The following FOXP1 variants were observed in gnomAD, a reference collection of about 807,000 sequenced individuals.
The protein encoded by FOXP1 is forkhead box P1.
Under a neutral mutation model 98.2 loss-of-function variants are expected in FOXP1, and 15 were observed. That is an observed-to-expected ratio of 0.15 (90% CI 0.10 to 0.24). The LOEUF (loss-of-function observed/expected upper bound fraction) is 0.24, where lower values mean the gene tolerates loss of function less well. Ranked by LOEUF, FOXP1 falls within the 10% of genes least tolerant of loss-of-function variation. The pLI, the probability that FOXP1 is intolerant of heterozygous loss-of-function variation, is 1.00. For synonymous variants in FOXP1, 371 were observed against 314.5 expected (o/e 1.18, Z -1.90); for missense variants, 633 against 848.5 (o/e 0.75, Z 3.15).
chr3:71,257,302 C>T lies in FOXP1; in HGVS notation c.-12+42518G>A, dbSNP rs142633209. 1.6e-3 allele frequency among the ~76,000 whole-genome samples: 243 copies of T among 152,250 alleles called. 3 individuals are homozygous for T. The highest frequency in any genetic ancestry group is 5.7e-3 in the African/African-American group (235 of 41,550). On this transcript the variant is annotated intron_variant, in intron 5 of 20. Transcript: ENST00000649528. ...TTAAAAAACGCAGAATGGGACCAGG[C>T]ATGGTGGCTCACGCCTGTAATCCCA... is the stretch of plus-strand genomic sequence containing the variant.
At chr3:71,578,408 G>T (rs557554032) in intron 2 of FOXP1, among the ~76,000 whole-genome samples, 18 of 152,212 alleles carry the variant, frequency 1.2e-4, no homozygotes, top group African/African-American at 4.3e-4. Context: ...ATTTTTAAAG[G>T]ACAAAATTCT....
Position 71,462,643 on chromosome 3 carries a change from A to G in FOXP1, c.-168+30783T>C, listed in dbSNP as rs2088256458. Among the ~76,000 whole-genome samples, 3 of 152,202 alleles carry G rather than the reference A, an allele frequency of 2.0e-5. No individual in the cohort carries two copies. In the South Asian group the frequency reaches 6.2e-4, roughly 32 times the overall value. ...CTCCGTAGAATTTAAAAATCAGTGA[A>G]GATGTGAGAGGGAAATCATTGCATC... On this transcript the variant is annotated intron_variant, in intron 3 of 20. Coordinates refer to ENST00000649528, the MANE Select transcript of FOXP1 (RefSeq NM_001349338.3).
intron 6 of FOXP1, among the ~76,000 whole-genome samples, chr3:71,132,787 G>T (rs1383820439): frequency 1.3e-5 from 2 of 152,072 alleles, no homozygotes; most frequent in East Asian, 3.8e-4. Context: ...GTGCAAACGA[G>T]TCCTGGGTAA....
At chr3:71,099,370 G>A (rs1028231059) in intron 7 of FOXP1, among the ~76,000 whole-genome samples, 1 of 152,200 alleles carries the variant, frequency 6.6e-6, no homozygotes, top group Admixed American at 6.5e-5. Context: ...AAATTGGCTG[G>A]GCGTGGTGGT....
At chr3:71,198,423 G>A (rs1553776575) in intron 5 of FOXP1, 31 bp from the exon 6 acceptor site, 1 of 510,828 alleles carries the variant, frequency 2.0e-6, no homozygotes, top group Admixed American at 2.3e-5. Flanking sequence ...ATGGGGGGAG[G>A]GAGGGGGGGA....
At chr3:71,400,831 T>C (rs542982963) in intron 3 of FOXP1, among the ~76,000 whole-genome samples, 3 of 152,168 alleles carry the variant, frequency 2.0e-5, no homozygotes, top group Non-Finnish European at 4.4e-5. Flanking sequence ...AGAACCCCCC[T>C]GCAATTTTTT....
intron 10 of FOXP1, among the ~76,000 whole-genome samples, chr3:71,042,129 T>C (rs2048433615): frequency 6.6e-6 from 1 of 152,342 alleles, no homozygotes; most frequent in East Asian, 1.9e-4. Context: ...TTTTGGTTTC[T>C]AGTACCACAT....
intron 5 of FOXP1, among the ~76,000 whole-genome samples, chr3:71,272,974 C>T (rs1339416017): frequency 6.6e-6 from 1 of 152,160 alleles, no homozygotes; most frequent in Non-Finnish European, 1.5e-5. Flanking sequence ...CTCTCTCCCT[C>T]CCCCAGTAGA....
At chr3:71,140,328 C>G (rs1279631956) in intron 6 of FOXP1, among the ~76,000 whole-genome samples, 1 of 152,186 alleles carries the variant, frequency 6.6e-6, no homozygotes, top group African/African-American at 2.4e-5. Context: ...GATTTGATCG[C>G]ATTTATGACT....
chr3:71,251,512 C>T (rs142117950), intron 5 of FOXP1, among the ~76,000 whole-genome samples: 3 of 152,284 alleles, frequency 2.0e-5, no homozygotes, highest in South Asian at 2.1e-4. Flanking sequence ...ATGTTTCTTT[C>T]GCAATGGGCA....
chr3:70,992,828 TGAGAAACCCAGA>T (rs1418511385), intron 13 of FOXP1, among the ~76,000 whole-genome samples: 1 of 152,164 alleles, frequency 6.6e-6, no homozygotes, highest in African/African-American at 2.4e-5. Context: ...GACATGGAAG[TGAGAAACCCAGA>T]GACTCTCTCT....
At chr3:71,226,245 G>C (rs1295349482) in intron 5 of FOXP1, among the ~76,000 whole-genome samples, 1 of 152,194 alleles carries the variant, frequency 6.6e-6, no homozygotes, top group Non-Finnish European at 1.5e-5. Flanking sequence ...TTAGGAACTG[G>C]TGTGTCTTGC....
intron 11 of FOXP1, among the ~76,000 whole-genome samples, chr3:71,029,311 A>G (rs9864076): frequency 0.11 from 16,716 of 152,150 alleles, 3,066 homozygotes; most frequent in African/African-American, 0.38. Flanking sequence ...TTTCCCTTAC[A>G]GCATTCATTG....
chr3:70,988,454 G>A (rs936945726), intron 13 of FOXP1, among the ~76,000 whole-genome samples: 1 of 152,226 alleles, frequency 6.6e-6, no homozygotes, highest in Non-Finnish European at 1.5e-5. Context: ...TTGTGGTTGT[G>A]GAAAAACTCC....
chr3:71,581,616 T>C lies in FOXP1; in HGVS notation c.-365A>G, dbSNP rs899684676. On this transcript the variant is annotated 5_prime_UTR_variant, in exon 2 of 21. An upstream start codon of the reference 5' UTR is lost. Transcript: ENST00000649528. ...CGCGGAGGAGGCGCCGGCAGCACCA[T>C]GGTCCCCGGCGCCGCTGCCGCTGCC... The C allele has an allele frequency of 8.1e-6, 8 of 985,728 alleles. No homozygotes were observed. Among genetic ancestry groups the C allele is most frequent in the South Asian group, 4.6e-5 (1 of 21,508 alleles). 61.1% of individuals were successfully genotyped at this position (985,728 alleles called of 1,614,324 possible). A position where few individuals can be genotyped will look rare whatever the true frequency, so the allele number is the denominator to read the frequency against.
intron 2 of FOXP1, among the ~76,000 whole-genome samples, chr3:71,546,644 G>C (rs1339027076): frequency 1.3e-5 from 2 of 151,804 alleles, no homozygotes; most frequent in Non-Finnish European, 2.9e-5. Context: ...TGTTCATCAG[G>C]TACCCCAATG....
At position 71,046,944 on chromosome 3, in the gene FOXP1, T is replaced by C; in HGVS notation, c.662A>G (p.Gln221Arg). The C allele has an allele frequency of 3.7e-6, 6 of 1,613,964 alleles. No homozygotes were observed. Among genetic ancestry groups the C allele is most frequent in the Non-Finnish European group, 5.1e-6 (6 of 1,179,918 alleles). Residue 221 changes from glutamine to arginine, a missense_variant and splice_region_variant, in exon 10 of 21, where the codon CAA (glutamine) becomes CGA (arginine). By Grantham distance (43) the Gln-to-Arg change is conservative. This residue lies in a region of FOXP1 where 210 missense variants were observed against 270.6 expected (regional missense o/e 0.78). Coordinates refer to ENST00000649528, the MANE Select transcript of FOXP1 (RefSeq NM_001349338.3). ...QPALPLQPLAQGMIPTELQQL... is the reference protein window; with the variant it reads ...QPALPLQPLARGMIPTELQQL... The stretch of plus-strand genomic sequence containing the variant: ...CCTTCTGTAAAATCAACGCATACCT[T>C]GAGCAAGAGGTTGAAGGGGAAGGGC...
At chr3:71,358,634 C>T (rs903242990) in intron 4 of FOXP1, among the ~76,000 whole-genome samples, 16 of 152,180 alleles carry the variant, frequency 1.1e-4, no homozygotes, top group African/African-American at 3.6e-4. Context: ...CAAGGTCAGA[C>T]GGAGTGGTAC....
At chr3:71,485,782 A>G (rs2090602873) in intron 3 of FOXP1, among the ~76,000 whole-genome samples, 1 of 152,068 alleles carries the variant, frequency 6.6e-6, no homozygotes, top group African/African-American at 2.4e-5. Context: ...AAAAAAAAAA[A>G]AAAAAGAACC....
Sources: allele counts gnomAD v4.1 joint callset (sites outside exome capture counted in the v4.1 genomes callset), GRCh38; gene constraint gnomAD v4.1.1; regional missense constraint gnomAD v4.1.1; transcripts MANE v1.5; gene names NCBI Gene and HGNC (gene_info 2026-07-23, HGNC 2026-07-21).